TTC3: variants seen among roughly 807,000 people sequenced by gnomAD.
TTC3 encodes tetratricopeptide repeat domain 3.
A neutral mutation model predicts 249.6 loss-of-function variants in TTC3; 180 were observed. The ratio of observed to expected loss-of-function variants is 0.72; its 90% CI spans 0.64 to 0.82. The LOEUF (loss-of-function observed/expected upper bound fraction) is 0.82. Among genes scored for constraint, TTC3 ranks in the 40% least tolerant of loss-of-function variants. The pLI is 0.00. For missense variants in TTC3, 2,061 were observed against 2,398.4 expected, an observed-to-expected ratio of 0.86 and a Z score of 2.94; for synonymous variants, 717 against 805.0, an observed-to-expected ratio of 0.89 and a Z score of 1.85.
intron 44 of TTC3, among the ~76,000 whole-genome samples, chr21:37,199,713 C>T (rs1244461731): frequency 1.3e-5 from 2 of 152,238 alleles, no homozygotes; most frequent in African/African-American, 4.8e-5. Context: ...TGTATACATG[C>T]AGCCCCTTTA....
intron 10 of TTC3, among the ~76,000 whole-genome samples, chr21:37,105,561 T>G (rs909518543): frequency 3.9e-5 from 6 of 152,178 alleles, no homozygotes; most frequent in African/African-American, 1.4e-4. Context: ...AAGTGTTAAG[T>G]GCAGCTGGAA....
intron 1 of TTC3, chr21:37,082,304 C>T (rs1341103277): frequency 3.1e-5 from 5 of 161,800 alleles, no homozygotes; most frequent in Middle Eastern, 3.1e-3. Context: ...TGTCTGATAT[C>T]CTTGAGGAGG....
intron 31 of TTC3, 90 bp from the exon 32 acceptor site, chr21:37,163,961 G>T (rs1407480361): frequency 1.8e-5 from 26 of 1,434,630 alleles, no homozygotes; most frequent in Non-Finnish European, 2.4e-5. Context: ...CCATTATTGT[G>T]TTTATTTCAA....
At chr21:37,191,263 G>T in intron 39 of TTC3, 71 bp from the exon 40 acceptor site, 2 of 1,011,276 alleles carry the variant, frequency 2.0e-6, no homozygotes, top group East Asian at 5.8e-5. Flanking sequence ...CTCATGTTTA[G>T]ATGTTTATTT....
chr21:37,130,129 A>G (rs2147910998), intron 16 of TTC3, among the ~76,000 whole-genome samples: 1 of 152,328 alleles, frequency 6.6e-6, no homozygotes, highest in Middle Eastern at 3.4e-3. Context: ...AATCCATGAT[A>G]GATGCTTCAG....
At chr21:37,149,944 A>T (rs2079303775) in intron 23 of TTC3, 134 bp from the exon 24 acceptor site, 1 of 639,392 alleles carries the variant, frequency 1.6e-6, no homozygotes, top group Non-Finnish European at 2.6e-6. Flanking sequence ...GTGAGTAAGG[A>T]TTTTCACCAC....
At chr21:37,112,885 A>C (rs1322827259) in intron 11 of TTC3, among the ~76,000 whole-genome samples, 3 of 152,246 alleles carry the variant, frequency 2.0e-5, no homozygotes, top group South Asian at 2.1e-4. Context: ...GGCCGGTTCA[A>C]CATATGAAAA....
chr21:37,151,643 A>G (rs2079478177), intron 25 of TTC3, among the ~76,000 whole-genome samples: 1 of 152,202 alleles, frequency 6.6e-6, no homozygotes, highest in Non-Finnish European at 1.5e-5. Flanking sequence ...TAACTTAGAT[A>G]CATGAAAGTG....
chr21:37,144,427 G>T, intron 20 of TTC3, 98 bp from the exon 21 acceptor site: 1 of 1,374,926 alleles, frequency 7.3e-7, no homozygotes, highest in Non-Finnish European at 9.9e-7. Context: ...TTCATCAAAT[G>T]TATTCGTCCC....
At chr21:37,114,108 C>T (rs2147829410) in intron 11 of TTC3, among the ~76,000 whole-genome samples, 1 of 152,238 alleles carries the variant, frequency 6.6e-6, no homozygotes, top group South Asian at 2.1e-4. Context: ...TAGGCAATAC[C>T]ATTCGGGACA....
At chr21:37,186,565 C>T (rs983112942) in intron 37 of TTC3, among the ~76,000 whole-genome samples, 1 of 152,162 alleles carries the variant, frequency 6.6e-6, no homozygotes, top group Non-Finnish European at 1.5e-5. Context: ...CTCAGCCTCT[C>T]GAGTAGCTGG....
chr21:37,093,556 T>C lies in TTC3; in HGVS notation c.602-449T>C, dbSNP rs534703945. Among the ~76,000 whole-genome samples the C allele has an allele frequency of 1.4e-4, 22 of 152,222 alleles. No homozygotes were observed. The South Asian group carries it at 4.6e-3, about 32-fold the overall frequency. On this transcript the variant is annotated intron_variant, in intron 7 of 45. Transcript: ENST00000355666. ...ATACTCAATCTTTATATTAAATAGA[T>C]TGTAGAAAGTAGTTTTGCAGGTTTT...
At chr21:37,178,391 C>G (rs1173014644) in intron 35 of TTC3, among the ~76,000 whole-genome samples, 1 of 152,118 alleles carries the variant, frequency 6.6e-6, no homozygotes, top group Non-Finnish European at 1.5e-5. Flanking sequence ...TGAGGAACTG[C>G]GAGCCTGTTC....
chr21:37,126,264 C>T (rs1236634650), intron 15 of TTC3, 121 bp downstream of exon 15: 4 of 651,626 alleles, frequency 6.1e-6, no homozygotes, highest in East Asian at 3.0e-5. Context: ...CTTTATAATG[C>T]TTCTATGTTA....
At chr21:37,090,743 A>G (rs1208853277) in intron 6 of TTC3, among the ~76,000 whole-genome samples, 2 of 152,204 alleles carry the variant, frequency 1.3e-5, no homozygotes, top group Non-Finnish European at 2.9e-5. Flanking sequence ...AGAAGTACAA[A>G]TAACATTTCT....
At position 37,087,878 on chromosome 21, in the gene TTC3, G is replaced by A; in HGVS notation, c.187+3G>A. 6.3e-7 allele frequency: 1 copy of A among 1,594,852 alleles called. No homozygotes were observed. The highest frequency in any genetic ancestry group is 8.6e-7 in the Non-Finnish European group (1 of 1,168,510). On this transcript the variant is annotated splice_donor_region_variant and intron_variant, in intron 3 of 45. Transcript: ENST00000355666. Reference sequence around the variant, plus strand: ...TATCCAAAGTGAGAGGAATTTGGGTGAGTACGTTGGTATTTTTAATGTTAA... The same window carrying A: ...TATCCAAAGTGAGAGGAATTTGGGTAAGTACGTTGGTATTTTTAATGTTAA...
intron 5 of TTC3, among the ~76,000 whole-genome samples, chr21:37,089,466 A>G (rs1459559733): frequency 6.6e-6 from 1 of 152,152 alleles, no homozygotes; most frequent in African/African-American, 2.4e-5. Flanking sequence ...TTGCAGTAAC[A>G]TACAAACCAG....
chr21:37,091,526 T>C, intron 7 of TTC3, 113 bp downstream of exon 7: 2 of 670,552 alleles, frequency 3.0e-6, no homozygotes, highest in Non-Finnish European at 4.2e-6. Flanking sequence ...AAAAAGTTTT[T>C]ATTTTGTTAT....
chr21:37,161,904 TAAGTATTCATCAATTTTA>T, intron 30 of TTC3, 68 bp from the exon 31 acceptor site: 2 of 877,814 alleles, frequency 2.3e-6, no homozygotes. Flanking sequence ...TGTGTTTATA[TAAGTATTCATCAATTTTA>T]ATGATTTTTC....
Sources: allele counts gnomAD v4.1 joint callset (sites outside exome capture counted in the v4.1 genomes callset), GRCh38; gene constraint gnomAD v4.1.1; transcripts MANE v1.5; gene names NCBI Gene and HGNC (gene_info 2026-07-23, HGNC 2026-07-21).